The following FRMD4A variants were observed in gnomAD, a reference collection of about 807,000 sequenced individuals.
FRMD4A encodes the protein FERM domain-containing protein 4A.
FRMD4A carries 29 observed loss-of-function variants against 129.1 expected under a neutral mutation model. The ratio of observed to expected loss-of-function variants is 0.22; its 90% confidence interval spans 0.17 to 0.31. The LOEUF is 0.31. Ranked by LOEUF, FRMD4A falls within the 10% of genes least tolerant of loss-of-function variation. FRMD4A has a pLI of 1.00. For synonymous variants in FRMD4A, 634 were observed against 571.6 expected (o/e 1.11, Z -1.56); for missense variants, 1,272 against 1,375.8 (o/e 0.92, Z 1.19).
chr10:13,964,139 A>G (rs1169556459), intron 2 of FRMD4A, among the ~76,000 whole-genome samples: 3 of 151,850 alleles, frequency 2.0e-5, no homozygotes, highest in Non-Finnish European at 4.4e-5. Flanking sequence ...TTAGAAAAAA[A>G]AAAAAAACAG....
intron 12 of FRMD4A, among the ~76,000 whole-genome samples, chr10:13,716,095 G>A (rs549958926): frequency 1.3e-5 from 2 of 152,038 alleles, no homozygotes; most frequent in Non-Finnish European, 2.9e-5. Flanking sequence ...TGCAAAAACT[G>A]TTTTCTGTGA....
intron 2 of FRMD4A, among the ~76,000 whole-genome samples, chr10:13,895,147 C>T (rs537844223): frequency 5.3e-5 from 8 of 152,248 alleles, no homozygotes; most frequent in Non-Finnish European, 7.4e-5. Flanking sequence ...GGTAAACTAG[C>T]GTCATGGAGG....
chr10:14,080,480 G>T (rs1835866819), intron 2 of FRMD4A, among the ~76,000 whole-genome samples: 1 of 151,952 alleles, frequency 6.6e-6, no homozygotes, highest in Admixed American at 6.6e-5. Flanking sequence ...CCAATTCATG[G>T]GGAGGAATGA....
chr10:14,330,266 A>T, intron 1 of FRMD4A, 83 bp from the exon 2 acceptor site: 43 of 635,680 alleles, frequency 6.8e-5, no homozygotes, highest in East Asian at 8.9e-5. Context: ...CAGGGTGGGG[A>T]GGAGGTCAGG....
chr10:14,063,154 T>C (rs976739009), intron 2 of FRMD4A, among the ~76,000 whole-genome samples: 4 of 148,154 alleles, frequency 2.7e-5, no homozygotes, highest in African/African-American at 1.0e-4. Context: ...GACATGACTA[T>C]TTCTATTGCA....
intron 10 of FRMD4A, 29 bp downstream of exon 10, chr10:13,740,483 C>T (rs564659989): frequency 3.7e-6 from 5 of 1,343,646 alleles, no homozygotes; most frequent in South Asian, 1.2e-5. Context: ...AAACACTGTC[C>T]CCATGTGAGC....
chr10:14,120,806 C>A (rs2045502268), intron 2 of FRMD4A, among the ~76,000 whole-genome samples: 1 of 152,192 alleles, frequency 6.6e-6, no homozygotes, highest in Admixed American at 6.5e-5. Flanking sequence ...TCTGTTACAG[C>A]AGCTACTCTT....
chr10:13,852,623 CG>C (rs1244899623), intron 3 of FRMD4A, among the ~76,000 whole-genome samples: 1 of 152,082 alleles, frequency 6.6e-6, no homozygotes, highest in African/African-American at 2.4e-5. Context: ...CATTTTAACA[CG>C]GACTCACCAA....
intron 2 of FRMD4A, among the ~76,000 whole-genome samples, chr10:13,879,747 TC>T (rs1335841136): frequency 1.6e-4 from 17 of 103,292 alleles, no homozygotes; most frequent in African/African-American, 2.2e-4. Context: ...CTCTCCCTTC[TC>T]CCCCCTCCCC....
In FRMD4A at chr10:14,118,471, T is replaced by C. The variant is rs1838317214; in HGVS notation, c.45+211587A>G. ...AGAGTCTTGACTTACAAACTTTTGT[T>C]TTCTGGCACAGGCATTCAGTGGTGG... On this transcript the variant is annotated intron_variant, in intron 2 of 24. Transcript: ENST00000357447. Among the ~76,000 whole-genome samples, 3 of 152,168 alleles carry C rather than the reference T, an allele frequency of 2.0e-5. No homozygotes were observed. In the South Asian group the frequency reaches 6.2e-4, roughly 32 times the overall value.
At position 13,782,979 on chromosome 10, in the gene FRMD4A, C is replaced by T. The variant is rs779026822; in HGVS notation, c.327G>A (p.Leu109=). The change falls in exon 6 of 25, where the codon CTG becomes CTA. Residue 109 remains leucine, a synonymous_variant. Coordinates refer to ENST00000357447, the MANE Select transcript of FRMD4A (RefSeq NM_018027.5). The part of the protein sequence containing the change: ...VRFYIESISY[L]KDNATIELFF... ...AAAGCTCAATGGTAGCATTATCCTT[C>T]AGGTATGAAATGCTTTCTATATAGA... 1.6e-5 allele frequency: 24 copies of T among 1,494,472 alleles called. No individual in the cohort carries two copies. The highest frequency in any genetic ancestry group is 2.1e-5 in the Non-Finnish European group (22 of 1,070,680). 92.6% of individuals were successfully genotyped at this position (1,494,472 alleles called of 1,614,324 possible). A position where few individuals can be genotyped will look rare whatever the true frequency, so the allele number is the denominator to read the frequency against.
At chr10:14,215,533 C>A (rs886463410) in intron 2 of FRMD4A, among the ~76,000 whole-genome samples, 1 of 152,124 alleles carries the variant, frequency 6.6e-6, no homozygotes, top group Non-Finnish European at 1.5e-5. Context: ...TAATTTTATA[C>A]TTTGCAGGCT....
chr10:13,666,728 G>T (rs1040790044), intron 17 of FRMD4A, among the ~76,000 whole-genome samples: 3 of 151,804 alleles, frequency 2.0e-5, no homozygotes, highest in African/African-American at 7.3e-5. Context: ...GTTTCTTTAT[G>T]CCATTCTTCT....
At chr10:13,649,486 G>C (rs2081372612) in intron 24 of FRMD4A, 1 of 152,166 alleles carries the variant, frequency 6.6e-6, no homozygotes, top group South Asian at 2.1e-4. Flanking sequence ...TGGTTCTCAG[G>C]TGGCTCCTAG....
chr10:13,688,434 A>G (rs2085315072), intron 15 of FRMD4A, among the ~76,000 whole-genome samples: 2 of 152,134 alleles, frequency 1.3e-5, no homozygotes, highest in African/African-American at 4.8e-5. Flanking sequence ...TAGGAGATAT[A>G]CCTAATGCTA....
chr10:14,292,660 C>T (rs1360029017), intron 2 of FRMD4A, among the ~76,000 whole-genome samples: 1 of 151,992 alleles, frequency 6.6e-6, no homozygotes, highest in African/African-American at 2.4e-5. Context: ...ATTAGCTGGG[C>T]GTGGTGGTGG....
intron 3 of FRMD4A, among the ~76,000 whole-genome samples, chr10:13,824,504 TAA>T (rs2093673004): frequency 6.8e-6 from 1 of 146,554 alleles, no homozygotes. Flanking sequence ...CAAAAAATAA[TAA>T]ATAAATAAAG....
intron 6 of FRMD4A, among the ~76,000 whole-genome samples, chr10:13,770,831 C>T (rs566534952): frequency 1.3e-5 from 2 of 152,216 alleles, no homozygotes; most frequent in African/African-American, 4.8e-5. Context: ...AAGAAGGTAC[C>T]TGTCTGTCCT....
chr10:13,967,218 T>C (rs1052169887), intron 2 of FRMD4A, among the ~76,000 whole-genome samples: 11 of 152,174 alleles, frequency 7.2e-5, no homozygotes, highest in Non-Finnish European at 5.9e-5. Context: ...GCGCCTGTAG[T>C]CCCAGCTGCT....
Sources: allele counts gnomAD v4.1 joint callset (sites outside exome capture counted in the v4.1 genomes callset), GRCh38; gene constraint gnomAD v4.1.1; transcripts MANE v1.5; gene names NCBI Gene and HGNC (gene_info 2026-07-23, HGNC 2026-07-21).